Variants in KYNU observed in about 807,000 individuals in gnomAD.
KYNU encodes kynureninase, also known as L-kynurenine hydrolase.
Under a neutral mutation model 59.2 loss-of-function variants are expected in KYNU, and 54 were observed. The observed-to-expected ratio is 0.91, with a 90% CI of 0.73 to 1.14. KYNU has a LOEUF of 1.14. Among genes scored for constraint, KYNU ranks in the 50% most tolerant of loss-of-function variants. The pLI, the probability that KYNU is intolerant of heterozygous loss-of-function variation, is 0.00. For missense variants in KYNU, 567 were observed against 554.4 expected (o/e 1.02, Z -0.23); for synonymous variants, 177 against 192.0 (o/e 0.92, Z 0.65).
At chr2:143,001,938 C>G (rs547928894) in intron 10 of KYNU, among the ~76,000 whole-genome samples, 25 of 152,248 alleles carry the variant, frequency 1.6e-4, no homozygotes, top group African/African-American at 6.0e-4. Context: ...CTAAACTATT[C>G]CTTTTGAACA....
intron 4 of KYNU, among the ~76,000 whole-genome samples, chr2:142,948,254 T>C (rs1683865828): frequency 6.6e-6 from 1 of 152,154 alleles, no homozygotes. Flanking sequence ...ACACTTTTCT[T>C]TTACATCTTC....
At chr2:142,937,291 A>G (rs1293607322) in intron 4 of KYNU, among the ~76,000 whole-genome samples, 1 of 152,104 alleles carries the variant, frequency 6.6e-6, no homozygotes, top group Non-Finnish European at 1.5e-5. Flanking sequence ...AGAATCTTAC[A>G]ATAGTGAAAA....
At chr2:142,925,847 G>T (rs1011688583) in intron 3 of KYNU, among the ~76,000 whole-genome samples, 9 of 152,160 alleles carry the variant, frequency 5.9e-5, no homozygotes, top group Non-Finnish European at 1.0e-4. Context: ...TTCAACCCAG[G>T]TTGGTACTAT....
chr2:143,026,978 TGGGGC>T, intron 10 of KYNU, among the ~76,000 whole-genome samples: 1 of 152,268 alleles, frequency 6.6e-6, no homozygotes, highest in East Asian at 1.9e-4. Context: ...AGGCACAGGA[TGGGGC>T]GGGGTGGGGC....
chr2:143,023,976 C>G (rs1047699992), intron 10 of KYNU, among the ~76,000 whole-genome samples: 1 of 151,138 alleles, frequency 6.6e-6, no homozygotes, highest in African/African-American at 2.4e-5. Flanking sequence ...GATTGTACTA[C>G]GAAGCAAAGA....
chr2:143,017,760 A>G (rs1205973476), intron 10 of KYNU, among the ~76,000 whole-genome samples: 1 of 151,836 alleles, frequency 6.6e-6, no homozygotes, highest in African/African-American at 2.4e-5. Context: ...TTTTCATAGT[A>G]GCCATCCTGA....
At chr2:143,025,301 T>C (rs930773509) in intron 10 of KYNU, among the ~76,000 whole-genome samples, 1 of 152,120 alleles carries the variant, frequency 6.6e-6, no homozygotes, top group Non-Finnish European at 1.5e-5. Context: ...TGGAAAATCT[T>C]TGTGTTGGTG....
chr2:142,970,076 A>G (rs181122362), intron 8 of KYNU, among the ~76,000 whole-genome samples: 1 of 152,290 alleles, frequency 6.6e-6, no homozygotes, highest in African/African-American at 2.4e-5. Context: ...ATTCCAAAAG[A>G]TCTTTGGGCA....
rs766361158 is a variant in KYNU, at chr2:142,918,611, G to A, written c.172G>A (p.Asp58Asn). 2 of 1,390,780 alleles carry A rather than the reference G, an allele frequency of 1.4e-6. No individual in the cohort carries two copies. The highest frequency in any genetic ancestry group is 2.7e-5 in the East Asian group (1 of 37,202). 86.2% of individuals were successfully genotyped at this position (1,390,780 alleles called of 1,614,324 possible). ...TTTTGACATTTCTTCTGTTTCAGTT[G>A]ATTTATCATTAGTGAATAAAGATGA... ...IPKIQDLPPV[D>N]LSLVNKDENA... The change falls in exon 3 of 14, where the codon GAT becomes AAT. Residue 58 changes from aspartate (D) to asparagine (N), a missense_variant and splice_region_variant. By Grantham distance (23) the Asp-to-Asn change is conservative (BLOSUM62 1). Transcript: ENST00000264170.
At chr2:142,889,190 C>CTGTCTTTTTATTTTATGCT (rs1681619084) in intron 2 of KYNU, among the ~76,000 whole-genome samples, 2 of 151,876 alleles carry the variant, frequency 1.3e-5, no homozygotes, top group South Asian at 4.2e-4. Context: ...GACAGGTTAG[C>CTGTCTTTTTATTTTATGCT]AAGAGAAAAA....
At chr2:142,891,751 C>T (rs1308215143) in intron 2 of KYNU, among the ~76,000 whole-genome samples, 1 of 152,102 alleles carries the variant, frequency 6.6e-6, no homozygotes, top group Non-Finnish European at 1.5e-5. Context: ...AAACTAGAAT[C>T]TTTTATTCAA....
intron 2 of KYNU, among the ~76,000 whole-genome samples, chr2:142,906,529 C>T (rs1333536865): frequency 6.6e-6 from 1 of 152,074 alleles, no homozygotes; most frequent in East Asian, 1.9e-4. Flanking sequence ...GACAAGATTC[C>T]CTGGTTTCAT....
chr2:142,977,372 G>GAGATATATATATATATATAT (rs1553484697), intron 8 of KYNU, among the ~76,000 whole-genome samples: 2 of 131,152 alleles, frequency 1.5e-5, no homozygotes, highest in African/African-American at 2.9e-5. Flanking sequence ...ATTTTGTGTG[G>GAGATATATATATATATATAT]ATATATATAT....
intron 3 of KYNU, among the ~76,000 whole-genome samples, chr2:142,920,854 G>A (rs1222230134): frequency 6.6e-6 from 1 of 152,176 alleles, no homozygotes; most frequent in African/African-American, 2.4e-5. Flanking sequence ...TGGGATGCCT[G>A]ATCACCTGCC....
At chr2:142,882,808 A>G (rs1248279710) in intron 1 of KYNU, among the ~76,000 whole-genome samples, 3 of 152,216 alleles carry the variant, frequency 2.0e-5, no homozygotes, top group African/African-American at 4.8e-5. Flanking sequence ...ATGTGTCTTT[A>G]TAGCAGCATG....
rs539477646 is a variant in KYNU at position 143,003,898 on chromosome 2, G to T, written c.902+17877G>T. 1.7e-3 allele frequency among the ~76,000 whole-genome samples: 223 copies of T among 132,420 alleles called. 1 individual carries two copies. The highest frequency in any genetic ancestry group is 6.7e-3 in the Admixed American group (88 of 13,174). 86.9% of individuals were successfully genotyped at this position (132,420 alleles called of 152,430 possible). On this transcript the variant is annotated intron_variant, in intron 10 of 13. Transcript: ENST00000264170. ...GAGCTGATGAATAAATATAAAGAAC[G>T]CTGTGTTTGACATATTGTGTTTTGG...
chr2:142,997,859 T>A (rs889298877), intron 10 of KYNU, among the ~76,000 whole-genome samples: 1 of 152,140 alleles, frequency 6.6e-6, no homozygotes, highest in Non-Finnish European at 1.5e-5. Context: ...GCTGAAGAGA[T>A]CAAGGAGAGT....
chr2:143,019,737 GTTC>G (rs1414441819), intron 10 of KYNU, among the ~76,000 whole-genome samples: 1 of 152,064 alleles, frequency 6.6e-6, no homozygotes, highest in Admixed American at 6.6e-5. Context: ...ATTGGTATTA[GTTC>G]TTCTTTAAGT....
rs1273443656 is a variant in KYNU at position 142,879,769 on chromosome 2, C to A, written c.-20+2033C>A. On this transcript the variant is annotated intron_variant, in intron 1 of 13. Transcript: ENST00000264170. ...AATATAGAGGAAAAGGATTCTGATGCCTCAGGATTATTACAAGCATTAAAT... is the reference window on the plus strand; with the variant it reads ...AATATAGAGGAAAAGGATTCTGATGACTCAGGATTATTACAAGCATTAAAT... 3.3e-5 allele frequency: 5 copies of A among 152,138 alleles called. No homozygotes were observed. In the East Asian group the frequency reaches 9.6e-4, roughly 29 times the overall value. The allele number at this position is 152,138 out of a possible 1,614,324, so 9.4% of individuals were successfully genotyped here. A position where few individuals can be genotyped will look rare whatever the true frequency, so the allele number is the denominator to read the frequency against.
Sources: allele counts gnomAD v4.1 joint callset (sites outside exome capture counted in the v4.1 genomes callset), GRCh38; gene constraint gnomAD v4.1.1; transcripts MANE v1.5; gene names NCBI Gene and HGNC (gene_info 2026-07-23, HGNC 2026-07-21).